Variants in NALF1 observed in about 807,000 individuals in gnomAD.
NALF1 encodes family with sequence similarity 155 member A.
Under a neutral mutation model 48.4 loss-of-function variants are expected in NALF1, and 3 were observed. The ratio of observed to expected loss-of-function variants is 0.06; its 90% CI spans 0.03 to 0.16. The LOEUF (loss-of-function observed/expected upper bound fraction) is 0.16, where lower values mean the gene tolerates loss of function less well. Ranked by LOEUF, NALF1 falls within the 10% of genes least tolerant of loss-of-function variation. The pLI is 1.00. For missense variants in NALF1, 526 were observed against 571.5 expected, an observed-to-expected ratio of 0.92 and a Z score of 0.81; for synonymous variants, 262 against 245.7, an observed-to-expected ratio of 1.07 and a Z score of -0.62.
chr13:107,793,169 C>A (rs946048859), intron 1 of NALF1, among the ~76,000 whole-genome samples: 1 of 152,108 alleles, frequency 6.6e-6, no homozygotes, highest in Non-Finnish European at 1.5e-5. Context: ...AATCAGAAAG[C>A]TTGTTCTGTG....
In NALF1 at chr13:107,569,285, C is replaced by G. The variant is rs954917414; in HGVS notation, c.915+296397G>C. Among the ~76,000 whole-genome samples, 7 of 151,910 alleles carry G rather than the reference C, an allele frequency of 4.6e-5. No individual in the cohort carries two copies. In the South Asian group the frequency reaches 6.2e-4, roughly 14 times the overall value. ...GAGATTGAGACCATCCTGGCCAACACGGTGAAACCCCGTCTCTACTAAAAA... is the reference window on the plus strand; with the variant it reads ...GAGATTGAGACCATCCTGGCCAACAGGGTGAAACCCCGTCTCTACTAAAAA... On this transcript the variant is annotated intron_variant, in intron 1 of 2. Coordinates refer to ENST00000375915, the MANE Select transcript of NALF1 (RefSeq NM_001080396.3).
intron 1 of NALF1, among the ~76,000 whole-genome samples, chr13:107,740,387 T>C (rs1239493917): frequency 6.6e-6 from 1 of 152,228 alleles, no homozygotes; most frequent in Non-Finnish European, 1.5e-5. Context: ...GGTAATATTA[T>C]ATCTGTCCTC....
intron 1 of NALF1, among the ~76,000 whole-genome samples, chr13:107,228,198 G>A (rs976488603): frequency 1.3e-4 from 20 of 152,222 alleles, no homozygotes; most frequent in African/African-American, 4.1e-4. Context: ...TACAATGAAA[G>A]GTAATGAAGC....
chr13:107,684,234 C>T (rs78052867), intron 1 of NALF1, among the ~76,000 whole-genome samples: 3,766 of 152,322 alleles, frequency 0.025, 157 homozygotes, highest in African/African-American at 0.085. Context: ...GAGCACCTCG[C>T]TCCTTTCTGA....
chr13:107,386,836 A>G (rs1056589229), intron 1 of NALF1, among the ~76,000 whole-genome samples: 6 of 152,152 alleles, frequency 3.9e-5, no homozygotes, highest in Non-Finnish European at 7.3e-5. Flanking sequence ...AAAGTTATAT[A>G]AGATGATGGA....
At chr13:107,482,836 C>T (rs982572552) in intron 1 of NALF1, among the ~76,000 whole-genome samples, 3 of 152,130 alleles carry the variant, frequency 2.0e-5, no homozygotes, top group Non-Finnish European at 2.9e-5. Context: ...TGGCAACGTG[C>T]ACTATGAATA....
intron 1 of NALF1, among the ~76,000 whole-genome samples, chr13:107,339,006 T>C (rs1167880218): frequency 1.3e-5 from 2 of 151,804 alleles, no homozygotes; most frequent in Non-Finnish European, 2.9e-5. Context: ...TGGTGGCAGG[T>C]GCCTGTAGTT....
intron 1 of NALF1, among the ~76,000 whole-genome samples, chr13:107,679,164 T>C (rs370563451): frequency 3.9e-5 from 6 of 152,244 alleles, no homozygotes; most frequent in African/African-American, 1.2e-4. Flanking sequence ...TGTTAAAATA[T>C]GATAATTGCA....
At chr13:107,776,476 T>C (rs370344329) in intron 1 of NALF1, among the ~76,000 whole-genome samples, 1 of 152,212 alleles carries the variant, frequency 6.6e-6, no homozygotes, top group East Asian at 1.9e-4. Context: ...CACAGATTTA[T>C]ACCAGCATGA....
chr13:107,513,721 G>A (rs1193553148), intron 1 of NALF1, among the ~76,000 whole-genome samples: 1 of 152,202 alleles, frequency 6.6e-6, no homozygotes, highest in African/African-American at 2.4e-5. Flanking sequence ...ATGGCTGAAA[G>A]CACATGAAGG....
intron 1 of NALF1, among the ~76,000 whole-genome samples, chr13:107,257,835 TTCCTG>T (rs1880850841): frequency 6.6e-6 from 1 of 152,150 alleles, no homozygotes; most frequent in Non-Finnish European, 1.5e-5. Flanking sequence ...CTTCAGAGCT[TTCCTG>T]TGGCCTCTGC....
At position 107,573,675 on chromosome 13, in the gene NALF1, A is replaced by C. The variant is rs115724870; in HGVS notation, c.915+292007T>G. Among the ~76,000 whole-genome samples the C allele has an allele frequency of 3.2e-3, 477 of 147,360 alleles. 4 individuals are homozygous for C. Among genetic ancestry groups the C allele is most frequent in the African/African-American group, 0.01 (429 of 41,416 alleles). Reference sequence around the variant, plus strand: ...TTGAATTGTAGCTCCCACGATTCCCACATGTCATGGGGGGGACCTGGTCGG... The same window carrying C: ...TTGAATTGTAGCTCCCACGATTCCCCCATGTCATGGGGGGGACCTGGTCGG... On this transcript the variant is annotated intron_variant, in intron 1 of 2. Coordinates refer to ENST00000375915, the MANE Select transcript of NALF1 (RefSeq NM_001080396.3).
chr13:107,293,048 T>C (rs969636803), intron 1 of NALF1, among the ~76,000 whole-genome samples: 9 of 147,594 alleles, frequency 6.1e-5, no homozygotes, highest in Non-Finnish European at 1.2e-4. Context: ...TGGCACGATC[T>C]CAGCTCACTG....
At chr13:107,809,339 A>G (rs1378866638) in intron 1 of NALF1, among the ~76,000 whole-genome samples, 1 of 151,956 alleles carries the variant, frequency 6.6e-6, no homozygotes, top group Non-Finnish European at 1.5e-5. Flanking sequence ...TTTCTTTCCA[A>G]TGATGTTCCT....
intron 1 of NALF1, among the ~76,000 whole-genome samples, chr13:107,399,914 TTATC>T (rs1359685382): frequency 1.3e-5 from 2 of 152,110 alleles, no homozygotes; most frequent in East Asian, 3.9e-4. Context: ...TTACATAAAA[TTATC>T]TATCAAATAA....
At chr13:107,775,586 G>A (rs191213451) in intron 1 of NALF1, among the ~76,000 whole-genome samples, 1 of 151,398 alleles carries the variant, frequency 6.6e-6, no homozygotes, top group East Asian at 2.0e-4. Context: ...TGGGATGGCT[G>A]GGTCAAATGG....
At position 107,529,685 on chromosome 13, in the gene NALF1, G is replaced by A. The variant is rs114941876; in HGVS notation, c.916-318930C>T. Among the ~76,000 whole-genome samples the A allele has an allele frequency of 9.9e-3, 1,504 of 152,204 alleles. 28 individuals are homozygous for A. The highest frequency in any genetic ancestry group is 0.033 in the African/African-American group (1,388 of 41,538). On this transcript the variant is annotated intron_variant, in intron 1 of 2. Coordinates refer to ENST00000375915, the MANE Select transcript of NALF1 (RefSeq NM_001080396.3). ...TTGGCTCCCATTGCAATGTGTGTGTGATGATTGGAAGATGTGATGAATTAA... is the reference window on the plus strand; with the variant it reads ...TTGGCTCCCATTGCAATGTGTGTGTAATGATTGGAAGATGTGATGAATTAA...
At chr13:107,312,848 A>G (rs915913091) in intron 1 of NALF1, among the ~76,000 whole-genome samples, 1 of 152,204 alleles carries the variant, frequency 6.6e-6, no homozygotes, top group Non-Finnish European at 1.5e-5. Flanking sequence ...TCATCTACCA[A>G]TATAAAATTA....
intron 1 of NALF1, among the ~76,000 whole-genome samples, chr13:107,485,457 A>G (rs1885315080): frequency 6.6e-6 from 1 of 152,110 alleles, no homozygotes; most frequent in Admixed American, 6.6e-5. Context: ...ACACATCTCA[A>G]TGGACAGCAA....
Sources: allele counts gnomAD v4.1 joint callset (sites outside exome capture counted in the v4.1 genomes callset), GRCh38; gene constraint gnomAD v4.1.1; transcripts MANE v1.5; gene names NCBI Gene and HGNC (gene_info 2026-07-23, HGNC 2026-07-21).